NSD1: variants seen among roughly 807,000 people sequenced by gnomAD.
The protein encoded by NSD1 is histone-lysine N-methyltransferase, H3 lysine-36 specific.
Under a neutral mutation model 242.7 loss-of-function variants are expected in NSD1, and 26 were observed. That is an observed-to-expected ratio of 0.11 (90% CI 0.08 to 0.15). The LOEUF is 0.15. Ranked by LOEUF, NSD1 falls within the 10% of genes least tolerant of loss-of-function variation. The pLI is 1.00. For synonymous variants in NSD1, 1,106 were observed against 1,178.1 expected (o/e 0.94, Z 1.25); for missense variants, 2,495 against 3,272.8 (o/e 0.76, Z 5.80).
At chr5:177,208,771 G>A (rs1445251375) in intron 4 of NSD1, among the ~76,000 whole-genome samples, 6 of 151,800 alleles carry the variant, frequency 4.0e-5, no homozygotes. Flanking sequence ...GAGTGCAATG[G>A]CGTGATCTCC....
intron 17 of NSD1, among the ~76,000 whole-genome samples, chr5:177,275,663 G>A (rs909938432): frequency 3.3e-5 from 5 of 151,864 alleles, no homozygotes; most frequent in Non-Finnish European, 7.4e-5. Context: ...TCGATCTCCT[G>A]ACCTCGTGAT....
chr5:177,191,995 A>G lies in NSD1; in HGVS notation c.1039A>G (p.Ile347Val). 6.2e-7 allele frequency: 1 copy of G among 1,614,170 alleles called. No homozygotes were observed. Among genetic ancestry groups the G allele is most frequent in the Non-Finnish European group, 8.5e-7 (1 of 1,180,018 alleles). Reference protein sequence around the residue: ...WPCRICSDPLINTHSKMKVSN... With the variant: ...WPCRICSDPLVNTHSKMKVSN... ...CTGCAGGATTTGTTCTGATCCGTTG[A>G]TTAACACACATTCAAAAATGAAAGG... Residue 347 changes from isoleucine to valine, a missense_variant, in exon 3 of 23, where the codon ATT becomes GTT. This residue lies in a region of NSD1 where 65 missense variants were observed against 136.2 expected (regional missense o/e 0.48). Transcript: ENST00000439151.
intron 14 of NSD1, 69 bp from the exon 15 acceptor site, chr5:177,267,491 ATG>A: frequency 8.4e-7 from 1 of 1,188,272 alleles, no homozygotes; most frequent in African/African-American, 1.5e-5. Context: ...ATATATATAT[ATG>A]TGTATGGATG....
chr5:177,197,304 G>C (rs1235213672), intron 3 of NSD1, among the ~76,000 whole-genome samples: 4 of 151,128 alleles, frequency 2.6e-5, no homozygotes, highest in African/African-American at 9.7e-5. Flanking sequence ...AATAAATTGG[G>C]TATTGTAAGA....
Position 177,298,761 on chromosome 5 carries a change from A to C in NSD1, c.*3302A>C, listed in dbSNP as rs942619214. The C allele has an allele frequency of 4.3e-6, 1 of 233,192 alleles. No homozygotes were observed. The highest frequency in any genetic ancestry group is 8.5e-6 in the Non-Finnish European group (1 of 118,066). The allele number at this position is 233,192 out of a possible 1,614,324, so 14.4% of individuals were successfully genotyped here. Reference sequence around the variant, plus strand: ...CAGGTTGTAATTCTAATGTTGCCTCATGAGAACAGAATGGCAGAAAGTTTA... The same window carrying C: ...CAGGTTGTAATTCTAATGTTGCCTCCTGAGAACAGAATGGCAGAAAGTTTA... On this transcript the variant is annotated 3_prime_UTR_variant, in exon 23 of 23. Transcript: ENST00000439151.
chr5:177,248,360 A>G (rs758245683), intron 11 of NSD1, 36 bp downstream of exon 11: 21 of 1,605,096 alleles, frequency 1.3e-5, no homozygotes, highest in Non-Finnish European at 1.6e-5. Flanking sequence ...TTTTCATTGC[A>G]TGTTCATCTT....
In NSD1 at chr5:177,248,211, A is replaced by G. The variant is rs922789487; in HGVS notation, c.4528A>G (p.Ser1510Gly). 4.3e-6 allele frequency: 7 copies of G among 1,614,058 alleles called. No individual in the cohort carries two copies. The African/African-American group carries it at 5.3e-5, about 12-fold the overall frequency. The change falls in exon 11 of 23, where the codon AGC becomes GGC. Residue 1510 changes from serine (S) to glycine (G), a missense_variant. Transcript: ENST00000439151. ...GELMPHRTAT[S>G]PKETVEEGVE... ...ACTAATGCCTCACAGGACGGCCACA[A>G]GCCCCAAGGAGACTGTTGAGGAAGG...
chr5:177,184,022 C>T (rs1178639569), intron 2 of NSD1, among the ~76,000 whole-genome samples: 1 of 152,124 alleles, frequency 6.6e-6, no homozygotes, highest in Admixed American at 6.6e-5. Flanking sequence ...ACCACATTTG[C>T]TTTATTTATT....
intron 2 of NSD1, 139 bp from the exon 3 acceptor site, chr5:177,191,745 T>A (rs540393160): frequency 1.2e-6 from 1 of 829,032 alleles, no homozygotes; most frequent in Non-Finnish European, 2.0e-6. Context: ...GTTGTACTTA[T>A]TTTGTAATTC....
chr5:177,219,182 A>G (rs887811470), intron 5 of NSD1, among the ~76,000 whole-genome samples: 4 of 149,792 alleles, frequency 2.7e-5, no homozygotes, highest in African/African-American at 4.9e-5. Flanking sequence ...GCTGCATCCC[A>G]TAAGTTTTGT....
intron 13 of NSD1, among the ~76,000 whole-genome samples, chr5:177,258,599 G>A (rs570678320): frequency 2.0e-5 from 3 of 151,350 alleles, no homozygotes; most frequent in East Asian, 1.9e-4. Flanking sequence ...GCAATGGCTC[G>A]ATCTTGGCTC....
chr5:177,176,577 A>G (rs1760225535), intron 2 of NSD1, among the ~76,000 whole-genome samples: 1 of 152,106 alleles, frequency 6.6e-6, no homozygotes, highest in Admixed American at 6.6e-5. Flanking sequence ...TACCACAGGC[A>G]CACACCACCA....
At chr5:177,164,902 C>T (rs183986265) in intron 2 of NSD1, among the ~76,000 whole-genome samples, 9 of 151,070 alleles carry the variant, frequency 6.0e-5, no homozygotes, top group Non-Finnish European at 1.2e-4. Flanking sequence ...GAGATCCTGC[C>T]GCTGCATTGA....
intron 2 of NSD1, among the ~76,000 whole-genome samples, chr5:177,164,914 G>T (rs1759061057): frequency 6.6e-6 from 1 of 150,890 alleles, no homozygotes. Flanking sequence ...CTGCATTGAA[G>T]CCTGGGTGAG....
intron 8 of NSD1, among the ~76,000 whole-genome samples, chr5:177,240,076 C>T (rs1347058845): frequency 6.6e-6 from 1 of 152,110 alleles, no homozygotes; most frequent in African/African-American, 2.4e-5. Flanking sequence ...TTCAGGTTTC[C>T]TTTCCAAGTG....
At chr5:177,165,445 C>G (rs1417579179) in intron 2 of NSD1, among the ~76,000 whole-genome samples, 1 of 152,140 alleles carries the variant, frequency 6.6e-6, no homozygotes, top group Non-Finnish European at 1.5e-5. Context: ...AGCCACCGTG[C>G]CTGTCCCCTT....
At chr5:177,213,612 C>T (rs1328686124) in intron 5 of NSD1, among the ~76,000 whole-genome samples, 2 of 152,168 alleles carry the variant, frequency 1.3e-5, no homozygotes, top group African/African-American at 2.4e-5. Context: ...GGACTACAGG[C>T]GCCCGCCACC....
intron 2 of NSD1, among the ~76,000 whole-genome samples, chr5:177,184,561 C>T (rs1416321667): frequency 1.3e-5 from 2 of 151,996 alleles, no homozygotes; most frequent in African/African-American, 4.8e-5. Flanking sequence ...CAGGGTCTCA[C>T]TCTGTCACTT....
chr5:177,266,778 C>A (rs1757518708), intron 14 of NSD1: 1 of 238,748 alleles, frequency 4.2e-6, no homozygotes, highest in African/African-American at 2.3e-5. Flanking sequence ...GAATCATGCT[C>A]ATTTCTGGCA....
Sources: allele counts gnomAD v4.1 joint callset (sites outside exome capture counted in the v4.1 genomes callset), GRCh38; gene constraint gnomAD v4.1.1; regional missense constraint gnomAD v4.1.1; transcripts MANE v1.5; gene names NCBI Gene and HGNC (gene_info 2026-07-23, HGNC 2026-07-21).